PTPRG: variants seen among roughly 807,000 people sequenced by gnomAD.
PTPRG encodes the protein receptor-type tyrosine-protein phosphatase gamma.
In PTPRG, 102 loss-of-function variants were observed where a neutral mutation model predicts 165.3. That is an observed-to-expected ratio of 0.62 (90% CI 0.53 to 0.73). The LOEUF (loss-of-function observed/expected upper bound fraction) is 0.73. PTPRG is among the 30% of genes least tolerant of loss of function. The pLI is 0.00. For synonymous variants in PTPRG, 675 were observed against 669.5 expected (o/e 1.01, Z -0.13); for missense variants, 1,866 against 1,861.4 (o/e 1.00, Z -0.05).
At chr3:61,797,009 A>G (rs2035067369) in intron 2 of PTPRG, among the ~76,000 whole-genome samples, 1 of 152,196 alleles carries the variant, frequency 6.6e-6, no homozygotes, top group African/African-American at 2.4e-5. Context: ...ATATTTGGAA[A>G]TAAGAAATCA....
At chr3:62,209,303 G>C (rs1176865275) in intron 12 of PTPRG, among the ~76,000 whole-genome samples, 1 of 152,082 alleles carries the variant, frequency 6.6e-6, no homozygotes, top group Non-Finnish European at 1.5e-5. Context: ...GCACAGGACA[G>C]CTCCACAACA....
At chr3:61,831,881 G>A (rs577057339) in intron 2 of PTPRG, among the ~76,000 whole-genome samples, 35 of 152,142 alleles carry the variant, frequency 2.3e-4, no homozygotes, top group African/African-American at 8.4e-4. Context: ...GGTGGTAAAA[G>A]TTTTCTAATT....
At position 62,210,939 on chromosome 3, in the gene PTPRG, A is replaced by T. The variant is rs1306530642; in HGVS notation, c.2155+6989A>T. On this transcript the variant is annotated intron_variant, in intron 12 of 29. Coordinates refer to ENST00000474889, the MANE Select transcript of PTPRG (RefSeq NM_002841.4). The surrounding 1 kb of genome is among the most constrained non-coding windows in gnomAD (Gnocchi z 4.1). ...GAAAGCTTTTGGAGACTCAAAAGTTATACATGAATTTCTGACTATTCAGGG... is the reference window on the plus strand; with the variant it reads ...GAAAGCTTTTGGAGACTCAAAAGTTTTACATGAATTTCTGACTATTCAGGG... Among the ~76,000 whole-genome samples, 4 of 152,202 alleles carry T rather than the reference A, an allele frequency of 2.6e-5. No homozygotes were observed. Among genetic ancestry groups the T allele is most frequent in the Non-Finnish European group, 5.9e-5 (4 of 68,038 alleles).
intron 2 of PTPRG, among the ~76,000 whole-genome samples, chr3:61,971,048 G>C (rs564678033): frequency 6.6e-6 from 1 of 152,082 alleles, no homozygotes; most frequent in Non-Finnish European, 1.5e-5. Flanking sequence ...AGTAGTATCA[G>C]GGAGGACTTC....
In PTPRG at chr3:62,028,597, C is replaced by T. The variant is rs927641561; in HGVS notation, c.519+25100C>T. 3.9e-5 allele frequency among the ~76,000 whole-genome samples: 6 copies of T among 152,132 alleles called. No homozygotes were observed. In the South Asian group the frequency reaches 1.2e-3, roughly 32 times the overall value. On this transcript the variant is annotated intron_variant, in intron 4 of 29. Coordinates refer to ENST00000474889, the MANE Select transcript of PTPRG (RefSeq NM_002841.4). Reference sequence around the variant, plus strand: ...GTTGCATGTTGGCCATCAAGGAGGTCGGGTCACAATTTGGAAGAACATTGT... The same window carrying T: ...GTTGCATGTTGGCCATCAAGGAGGTTGGGTCACAATTTGGAAGAACATTGT...
chr3:61,741,447 G>A (rs1183189039), intron 1 of PTPRG, among the ~76,000 whole-genome samples: 1 of 152,142 alleles, frequency 6.6e-6, no homozygotes, highest in Non-Finnish European at 1.5e-5. Context: ...TTGTTCTGAT[G>A]TTTTCAATTT....
At chr3:62,070,668 A>C (rs72889511) in intron 4 of PTPRG, among the ~76,000 whole-genome samples, 173 of 152,314 alleles carry the variant, frequency 1.1e-3, no homozygotes, top group African/African-American at 4.0e-3. Flanking sequence ...TTTAAAAATC[A>C]TGTTAGATTA....
chr3:61,928,845 A>G (rs2039290011), intron 2 of PTPRG, among the ~76,000 whole-genome samples: 1 of 152,222 alleles, frequency 6.6e-6, no homozygotes, highest in African/African-American at 2.4e-5. Context: ...ATATTTCACT[A>G]TAAAACAGTT....
At chr3:61,987,642 A>G (rs1472255591) in intron 2 of PTPRG, among the ~76,000 whole-genome samples, 1 of 152,124 alleles carries the variant, frequency 6.6e-6, no homozygotes, top group African/African-American at 2.4e-5. Context: ...TACACATATG[A>G]TATTATGATA....
chr3:61,580,615 G>A (rs1264312932), intron 1 of PTPRG, among the ~76,000 whole-genome samples: 5 of 152,198 alleles, frequency 3.3e-5, no homozygotes, highest in Admixed American at 6.5e-5. Flanking sequence ...GATTATAGGC[G>A]TGAGCCAATG....
chr3:62,059,107 G>A (rs1700723344), intron 4 of PTPRG, among the ~76,000 whole-genome samples: 1 of 152,190 alleles, frequency 6.6e-6, no homozygotes, highest in Non-Finnish European at 1.5e-5. Flanking sequence ...CTATGTTCTT[G>A]AAGCAGTTTC....
intron 1 of PTPRG, among the ~76,000 whole-genome samples, chr3:61,580,709 G>A (rs1700274624): frequency 6.6e-6 from 1 of 152,022 alleles, no homozygotes; most frequent in African/African-American, 2.4e-5. Context: ...ATAAAAGTAA[G>A]GGAAAAAAAC....
At chr3:61,844,057 G>A (rs566724063) in intron 2 of PTPRG, among the ~76,000 whole-genome samples, 3 of 150,860 alleles carry the variant, frequency 2.0e-5, no homozygotes, top group African/African-American at 7.3e-5. Context: ...TCCGCCTCCC[G>A]GTTTCAAGCG....
intron 2 of PTPRG, among the ~76,000 whole-genome samples, chr3:61,797,083 G>A (rs937836589): frequency 3.9e-5 from 6 of 152,152 alleles, no homozygotes; most frequent in African/African-American, 1.4e-4. Flanking sequence ...GAGGCCAGCC[G>A]GCACAGAAAT....
rs138894082 is a variant in PTPRG, at chr3:61,913,242, C to T, written c.191-76383C>T. Among the ~76,000 whole-genome samples the T allele has an allele frequency of 6.5e-4, 99 of 152,208 alleles. 1 individual carries two copies. In the East Asian group the frequency reaches 0.017, roughly 27 times the overall value. ...TTTCTTTTTTATTTTTTTTCTGAGA[C>T]GGAGTCTCGCTCTATCACCCAGGCT... On this transcript the variant is annotated intron_variant, in intron 2 of 29. Coordinates refer to ENST00000474889, the MANE Select transcript of PTPRG (RefSeq NM_002841.4).
At chr3:61,624,034 C>T (rs1371426396) in intron 1 of PTPRG, among the ~76,000 whole-genome samples, 1 of 152,182 alleles carries the variant, frequency 6.6e-6, no homozygotes, top group Non-Finnish European at 1.5e-5. Context: ...AGAGCAGCCA[C>T]TGAACTCAGG....
intron 1 of PTPRG, among the ~76,000 whole-genome samples, chr3:61,688,157 G>A (rs954283303): frequency 2.8e-4 from 42 of 152,230 alleles, no homozygotes; most frequent in Middle Eastern, 3.4e-3. Flanking sequence ...GTCACTCTTC[G>A]ACAGAGAGAG....
chr3:61,816,384 T>C (rs923104863), intron 2 of PTPRG, among the ~76,000 whole-genome samples: 3 of 151,938 alleles, frequency 2.0e-5, no homozygotes, highest in Non-Finnish European at 4.4e-5. Context: ...ACAAAAAAAA[T>C]TGCTGGGCAT....
At chr3:61,609,699 T>C (rs192677629) in intron 1 of PTPRG, among the ~76,000 whole-genome samples, 1 of 151,848 alleles carries the variant, frequency 6.6e-6, no homozygotes, top group African/African-American at 2.4e-5. Flanking sequence ...CTACACAAAA[T>C]ACCAAAAAAA....
Sources: allele counts gnomAD v4.1 joint callset (sites outside exome capture counted in the v4.1 genomes callset), GRCh38; gene constraint gnomAD v4.1.1; non-coding constraint Gnocchi (gnomAD v3.1); transcripts MANE v1.5; gene names NCBI Gene and HGNC (gene_info 2026-07-23, HGNC 2026-07-21).